C9: variants seen among roughly 807,000 people sequenced by gnomAD.
The protein encoded by C9 is complement component C9.
In C9, 63 loss-of-function variants were observed where a neutral mutation model predicts 65.4. That is an observed-to-expected ratio of 0.96 (90% CI 0.79 to 1.19). C9 has a LOEUF of 1.19. Among genes scored for constraint, C9 ranks in the 50% most tolerant of loss-of-function variants. The pLI is 0.00. For missense variants in C9, 744 were observed against 670.1 expected, an observed-to-expected ratio of 1.11 and a Z score of -1.22; for synonymous variants, 229 against 227.9, an observed-to-expected ratio of 1.00 and a Z score of -0.04.
chr5:39,286,799 C>G (rs1027058110), intron 10 of C9, among the ~76,000 whole-genome samples: 1 of 151,890 alleles, frequency 6.6e-6, no homozygotes, highest in Non-Finnish European at 1.5e-5. Context: ...ATAAATCAAT[C>G]ATTCTAAAAT....
intron 5 of C9, among the ~76,000 whole-genome samples, chr5:39,321,623 A>G (rs1440614452): frequency 6.6e-6 from 1 of 151,964 alleles, no homozygotes; most frequent in African/African-American, 2.4e-5. Context: ...AGAGTAGCTA[A>G]ATGGATTAAA....
chr5:39,317,475 G>T (rs1753588060), intron 5 of C9, among the ~76,000 whole-genome samples: 1 of 152,116 alleles, frequency 6.6e-6, no homozygotes, highest in East Asian at 1.9e-4. Context: ...TATAGCTTTT[G>T]GTTTTACATA....
At chr5:39,331,449 G>A (rs573000261) in intron 5 of C9, among the ~76,000 whole-genome samples, 1 of 152,264 alleles carries the variant, frequency 6.6e-6, no homozygotes, top group Non-Finnish European at 1.5e-5. Context: ...TTTTTATGGA[G>A]TCTAGGTATT....
At chr5:39,350,707 G>T (rs1754306686) in intron 1 of C9, among the ~76,000 whole-genome samples, 1 of 152,140 alleles carries the variant, frequency 6.6e-6, no homozygotes, top group South Asian at 2.1e-4. Flanking sequence ...CATGTTCAGG[G>T]AATGCTGATG....
Position 39,354,601 on chromosome 5 carries a change from C to T in C9, c.77+9787G>A, listed in dbSNP as rs143150752. Among the ~76,000 whole-genome samples the T allele has an allele frequency of 1.3e-4, 20 of 152,210 alleles. No individual in the cohort carries two copies. The East Asian group carries it at 3.7e-3, about 28-fold the overall frequency. On this transcript the variant is annotated intron_variant, in intron 1 of 10. Coordinates refer to ENST00000263408, the MANE Select transcript of C9 (RefSeq NM_001737.5). ...CCATAGACCTAAAATTGTCACTGAG[C>T]TGGTATCCTTTCTGAGTACCTACTA...
In C9 at chr5:39,351,946, T is replaced by G. The variant is rs190515316; in HGVS notation, c.78-9750A>C. Among the ~76,000 whole-genome samples, 314 of 152,330 alleles carry G rather than the reference T, an allele frequency of 2.1e-3. 1 individual carries two copies. Among genetic ancestry groups the G allele is most frequent in the Non-Finnish European group, 3.4e-3 (233 of 68,028 alleles). The stretch of plus-strand genomic sequence containing the variant: ...GTTACCAATTTTCTGTATTAGTCTG[T>G]TCTCACATGGCTATAAAGAACTACC... On this transcript the variant is annotated intron_variant, in intron 1 of 10. Transcript: ENST00000263408.
chr5:39,353,648 C>A (rs1754363633), intron 1 of C9, among the ~76,000 whole-genome samples: 1 of 152,188 alleles, frequency 6.6e-6, no homozygotes, highest in South Asian at 2.1e-4. Flanking sequence ...ATTCACTCAT[C>A]ATTTATCTAT....
chr5:39,304,621 T>C (rs549665825), intron 9 of C9, among the ~76,000 whole-genome samples: 2 of 152,292 alleles, frequency 1.3e-5, no homozygotes, highest in South Asian at 4.1e-4. Context: ...TCCTCAACTC[T>C]TTCTACAAGA....
chr5:39,296,759 AG>A (rs1372828713), intron 9 of C9, among the ~76,000 whole-genome samples: 5 of 151,670 alleles, frequency 3.3e-5, no homozygotes, highest in African/African-American at 1.2e-4. Flanking sequence ...GCCATAAAAA[AG>A]AACAAAATCT....
intron 1 of C9, among the ~76,000 whole-genome samples, chr5:39,343,545 G>T (rs555918190): frequency 6.6e-6 from 1 of 152,330 alleles, no homozygotes; most frequent in East Asian, 1.9e-4. Flanking sequence ...ACTGGGTGGA[G>T]CCCACCACAG....
chr5:39,310,107 A>G (rs900530968), intron 7 of C9, among the ~76,000 whole-genome samples: 2 of 152,124 alleles, frequency 1.3e-5, no homozygotes, highest in Non-Finnish European at 2.9e-5. Context: ...TCTGCCCAAA[A>G]CAAGACTGAG....
intron 10 of C9, among the ~76,000 whole-genome samples, chr5:39,288,137 A>G (rs1753024878): frequency 6.6e-6 from 1 of 151,980 alleles, no homozygotes; most frequent in Non-Finnish European, 1.5e-5. Context: ...ACAATATCAC[A>G]TATTTTTCAT....
chr5:39,343,902 C>G (rs1225089019), intron 1 of C9, among the ~76,000 whole-genome samples: 1 of 152,182 alleles, frequency 6.6e-6, no homozygotes, highest in African/African-American at 2.4e-5. Flanking sequence ...CCACTGATAC[C>G]CAGCAAACAC....
intron 1 of C9, among the ~76,000 whole-genome samples, chr5:39,358,806 A>T (rs1754455653): frequency 6.6e-6 from 1 of 151,586 alleles, no homozygotes; most frequent in Admixed American, 6.6e-5. Flanking sequence ...TAAAACGGTG[A>T]AACCCTGTCT....
At chr5:39,336,863 A>G (rs544363069) in intron 4 of C9, among the ~76,000 whole-genome samples, 18 of 152,000 alleles carry the variant, frequency 1.2e-4, no homozygotes, top group South Asian at 4.4e-4. Flanking sequence ...AATTATTTTT[A>G]TGCTCCATTA....
chr5:39,309,229 T>A (rs1315189848), intron 7 of C9, among the ~76,000 whole-genome samples: 3 of 152,076 alleles, frequency 2.0e-5, no homozygotes, highest in African/African-American at 7.2e-5. Flanking sequence ...ACTGACAATG[T>A]CAGTTTTTGC....
chr5:39,286,596 T>A (rs532462543), intron 10 of C9, among the ~76,000 whole-genome samples: 1 of 151,876 alleles, frequency 6.6e-6, no homozygotes, highest in Middle Eastern at 3.4e-3. Context: ...ATAAAATAAT[T>A]GGAAAATTAA....
rs1293924934 is a variant in C9, at chr5:39,332,361, C to T, written c.477-547G>A. 3.9e-5 allele frequency among the ~76,000 whole-genome samples: 6 copies of T among 152,148 alleles called. No homozygotes were observed. In the South Asian group the frequency reaches 1.0e-3, roughly 26 times the overall value. On this transcript the variant is annotated intron_variant, in intron 4 of 10. Coordinates refer to ENST00000263408, the MANE Select transcript of C9 (RefSeq NM_001737.5). Reference sequence around the variant, plus strand: ...ATTCCCTCCAGGCTTATATTATTCCCGTTATGCTCTCCAAGATGAACACAA... The same window carrying T: ...ATTCCCTCCAGGCTTATATTATTCCTGTTATGCTCTCCAAGATGAACACAA...
intron 5 of C9, among the ~76,000 whole-genome samples, chr5:39,323,195 G>A (rs1336885947): frequency 6.6e-6 from 1 of 151,854 alleles, no homozygotes; most frequent in East Asian, 1.9e-4. Context: ...TGAAAGAAAA[G>A]CCCAGAATCT....
Sources: gnomAD v4.1 joint callset for allele counts (sites outside exome capture counted in the v4.1 genomes callset) on GRCh38, gnomAD v4.1.1 for gene constraint, MANE v1.5 for transcripts, NCBI Gene and HGNC (gene_info 2026-07-23, HGNC 2026-07-21) for gene names.